KCNH8: variants seen among roughly 807,000 people sequenced by gnomAD.
KCNH8 encodes voltage-gated delayed rectifier potassium channel KCNH8.
A neutral mutation model predicts 103.6 loss-of-function variants in KCNH8; 70 were observed. The ratio of observed to expected loss-of-function variants is 0.68; its 90% confidence interval spans 0.56 to 0.82. KCNH8 has a LOEUF of 0.82. Ranked by LOEUF, KCNH8 falls within the 40% of genes least tolerant of loss-of-function variation. The pLI, the probability that KCNH8 is intolerant of heterozygous loss-of-function variation, is 0.00. For synonymous variants in KCNH8, 498 were observed against 489.4 expected, an observed-to-expected ratio of 1.02 and a Z score of -0.23; for missense variants, 1,217 against 1,329.9, an observed-to-expected ratio of 0.92 and a Z score of 1.32.
In KCNH8 at chr3:19,452,892, C is replaced by A. The variant is rs538104153; in HGVS notation, c.1825+1488C>A. Reference sequence around the variant, plus strand: ...ATCTATTTTTCTAATTTTAAAAAAACCCTGCACTCATATGTTTATCACAGC... The same window carrying A: ...ATCTATTTTTCTAATTTTAAAAAAAACCTGCACTCATATGTTTATCACAGC... On this transcript the variant is annotated intron_variant, in intron 10 of 15. Transcript: ENST00000328405. 1.3e-3 allele frequency among the ~76,000 whole-genome samples: 201 copies of A among 152,196 alleles called. 1 individual carries two copies. The highest frequency in any genetic ancestry group is 0.01 in the Middle Eastern group (3 of 294).
chr3:19,533,533 G>A lies in KCNH8; in HGVS notation c.2758G>A (p.Glu920Lys). Residue 920 changes from glutamate to lysine, a missense_variant, in exon 16 of 16, where the codon GAG (glutamate) becomes AAG (lysine). Transcript: ENST00000328405. ...CAGCACCTCTGTGTGTCCCTCCAGG[G>A]AGAGCTTACAGACCAGAACGAGCTG... ...LHSTSVCPSR[E>K]SLQTRTSWSA... 1.2e-6 allele frequency: 2 copies of A among 1,614,184 alleles called. No individual in the cohort carries two copies. Among genetic ancestry groups the A allele is most frequent in the Non-Finnish European group, 1.7e-6 (2 of 1,180,024 alleles).
chr3:19,177,941 C>A (rs2063416328), intron 1 of KCNH8, among the ~76,000 whole-genome samples: 1 of 152,098 alleles, frequency 6.6e-6, no homozygotes. Context: ...TAAATTTGAA[C>A]ATGTCATTAT....
At chr3:19,526,456 G>GAAAT (rs1408728100) in intron 15 of KCNH8, among the ~76,000 whole-genome samples, 1 of 151,956 alleles carries the variant, frequency 6.6e-6, no homozygotes, top group Non-Finnish European at 1.5e-5. Context: ...CATTTTATGT[G>GAAAT]AAATGAAAGG....
intron 11 of KCNH8, among the ~76,000 whole-genome samples, chr3:19,489,030 C>G (rs192499383): frequency 1.3e-4 from 20 of 152,298 alleles, no homozygotes; most frequent in Admixed American, 5.9e-4. Context: ...CACCATGTGT[C>G]CATCCTCATT....
At chr3:19,419,265 T>C (rs866272256) in intron 7 of KCNH8, among the ~76,000 whole-genome samples, 1 of 145,744 alleles carries the variant, frequency 6.9e-6, no homozygotes, top group Non-Finnish European at 1.5e-5. Flanking sequence ...AGTGGCGCGA[T>C]CTCGGCTCAC....
chr3:19,423,852 CTCCATACTGTTT>C lies in KCNH8; in HGVS notation c.1178-14305_1178-14294del, dbSNP rs1190032966. Among the ~76,000 whole-genome samples the C allele has an allele frequency of 2.0e-5, 3 of 152,122 alleles. No individual in the cohort carries two copies. In the East Asian group the frequency reaches 5.8e-4, roughly 29 times the overall value. On this transcript the variant is annotated intron_variant, in intron 7 of 15. Transcript: ENST00000328405. The stretch of plus-strand genomic sequence containing the variant: ...TTCTACTTTTAGTTCTTTAAGGAAT[CTCCATACTGTTT>C]TCCATAGTGGTTTTACTAGTTTACA...
At chr3:19,383,082 G>A (rs2125125972) in intron 5 of KCNH8, among the ~76,000 whole-genome samples, 1 of 152,246 alleles carries the variant, frequency 6.6e-6, no homozygotes, top group African/African-American at 2.4e-5. Context: ...GCAAATCATA[G>A]GGATGCACTT....
chr3:19,334,788 A>T (rs960448991), intron 3 of KCNH8, among the ~76,000 whole-genome samples: 1 of 151,454 alleles, frequency 6.6e-6, no homozygotes, highest in Admixed American at 6.6e-5. Flanking sequence ...TGGTATTATG[A>T]AAGAGATTCA....
intron 5 of KCNH8, among the ~76,000 whole-genome samples, chr3:19,350,641 T>C (rs1394696936): frequency 6.6e-6 from 1 of 151,940 alleles, no homozygotes. Flanking sequence ...TCCAGCAAAC[T>C]CCAACAGACC....
At chr3:19,523,279 A>G (rs764524225) in intron 15 of KCNH8, among the ~76,000 whole-genome samples, 1 of 151,950 alleles carries the variant, frequency 6.6e-6, no homozygotes, top group African/African-American at 2.4e-5. Flanking sequence ...TATATGCACT[A>G]TTATCCTAAG....
At chr3:19,231,150 A>G (rs1024885721) in intron 1 of KCNH8, among the ~76,000 whole-genome samples, 1 of 152,176 alleles carries the variant, frequency 6.6e-6, no homozygotes, top group African/African-American at 2.4e-5. Context: ...TATTACATTA[A>G]CTGAAAAAGA....
chr3:19,291,413 G>A (rs2064923457), intron 3 of KCNH8, among the ~76,000 whole-genome samples: 1 of 152,122 alleles, frequency 6.6e-6, no homozygotes. Context: ...ACACTGCTTT[G>A]AATGTGTCCC....
At chr3:19,301,669 G>T (rs2125289903) in intron 3 of KCNH8, among the ~76,000 whole-genome samples, 1 of 152,240 alleles carries the variant, frequency 6.6e-6, no homozygotes, top group East Asian at 1.9e-4. Flanking sequence ...ACTATCTGAA[G>T]TTAGTGAAGA....
intron 11 of KCNH8, among the ~76,000 whole-genome samples, chr3:19,501,467 C>T (rs2068581467): frequency 6.6e-6 from 1 of 152,094 alleles, no homozygotes; most frequent in South Asian, 2.1e-4. Flanking sequence ...GGCAGAGACA[C>T]AACCAAAAAA....
rs1364434056 is a variant in KCNH8 at position 19,431,749 on chromosome 3, A to T, written c.1178-6415A>T. ...CTTGGGAAGGTGTATGTACCCAGGA[A>T]TTTATCCATTTCTTCTAGATATTCT... is the stretch of plus-strand genomic sequence containing the variant. On this transcript the variant is annotated intron_variant, in intron 7 of 15. Transcript: ENST00000328405. Among the ~76,000 whole-genome samples the T allele has an allele frequency of 4.6e-5, 7 of 151,532 alleles. No individual in the cohort carries two copies. The East Asian group carries it at 1.3e-3, about 29-fold the overall frequency.
chr3:19,440,784 A>G (rs1275461371), intron 8 of KCNH8, among the ~76,000 whole-genome samples: 1 of 152,202 alleles, frequency 6.6e-6, no homozygotes, highest in Non-Finnish European at 1.5e-5. Context: ...AGTTGTTTTT[A>G]TGTTCCATTC....
chr3:19,197,160 T>A (rs2063610394), intron 1 of KCNH8, among the ~76,000 whole-genome samples: 1 of 152,028 alleles, frequency 6.6e-6, no homozygotes, highest in Non-Finnish European at 1.5e-5. Flanking sequence ...CTCTTTGTCC[T>A]TCCCCTCAGT....
At chr3:19,255,323 C>G (rs950297089) in intron 2 of KCNH8, among the ~76,000 whole-genome samples, 2 of 152,058 alleles carry the variant, frequency 1.3e-5, no homozygotes, top group Admixed American at 6.6e-5. Flanking sequence ...CAAACTAATA[C>G]GCATATATTA....
chr3:19,244,217 G>A (rs1428591308), intron 1 of KCNH8, among the ~76,000 whole-genome samples: 2 of 152,074 alleles, frequency 1.3e-5, no homozygotes, highest in East Asian at 3.9e-4. Context: ...TTTCCTCTGG[G>A]ATGGGAAGTC....
Sources: allele counts gnomAD v4.1 joint callset (sites outside exome capture counted in the v4.1 genomes callset), GRCh38; gene constraint gnomAD v4.1.1; transcripts MANE v1.5; gene names NCBI Gene and HGNC (gene_info 2026-07-23, HGNC 2026-07-21).